ECHDC2: variants seen among roughly 807,000 people sequenced by gnomAD.
The protein encoded by ECHDC2 is enoyl-CoA hydratase domain containing 2.
In ECHDC2, 34 loss-of-function variants were observed where a neutral mutation model predicts 40.6. The observed-to-expected ratio is 0.84, with a 90% CI of 0.64 to 1.11. The LOEUF (loss-of-function observed/expected upper bound fraction) is 1.11. Among genes scored for constraint, ECHDC2 ranks in the 50% most tolerant of loss-of-function variants. The pLI is 0.00. For synonymous variants in ECHDC2, 162 were observed against 166.6 expected (o/e 0.97, Z 0.21); for missense variants, 392 against 400.7 (o/e 0.98, Z 0.19).
chr1:52,920,382 C>G (rs1412135442), intron 1 of ECHDC2: 2 of 717,368 alleles, frequency 2.8e-6, no homozygotes, highest in African/African-American at 1.8e-5. Flanking sequence ...AGCAATACTG[C>G]TGGGGAAGGG....
chr1:52,908,110 G>A (rs759929911), intron 3 of ECHDC2, among the ~76,000 whole-genome samples, 156 bp from the exon 4 acceptor site: 3 of 152,214 alleles, frequency 2.0e-5, no homozygotes, highest in African/African-American at 7.2e-5. Flanking sequence ...GGGAAAAGAG[G>A]AGCATCAAAC....
intron 1 of ECHDC2, 118 bp from the exon 2 acceptor site, chr1:52,911,908 G>C: frequency 6.6e-7 from 1 of 1,507,562 alleles, no homozygotes; most frequent in South Asian, 1.2e-5. Context: ...TAGATGACCA[G>C]AGTGACTTGC....
At chr1:52,905,436 C>T (rs1262336833) in intron 5 of ECHDC2, 2 of 315,552 alleles carry the variant, frequency 6.3e-6, no homozygotes, top group Non-Finnish European at 1.2e-5. Context: ...AAGGAGAGTT[C>T]CTAGGAGGTG....
chr1:52,913,497 C>G (rs1421850529), intron 1 of ECHDC2: 1 of 152,210 alleles, frequency 6.6e-6, no homozygotes, highest in African/African-American at 2.4e-5. Flanking sequence ...CTCTCCTTGC[C>G]TCAACCTCGT....
At chr1:52,921,299 A>T in intron 1 of ECHDC2, 1 of 745,788 alleles carries the variant, frequency 1.3e-6, no homozygotes, top group Non-Finnish European at 1.9e-6. Context: ...TCCCCCTTCC[A>T]CACAGTCGGA....
intron 1 of ECHDC2, among the ~76,000 whole-genome samples, chr1:52,919,913 T>G (rs542220836): frequency 3.0e-4 from 45 of 152,334 alleles, no homozygotes; most frequent in African/African-American, 1.1e-3. Flanking sequence ...ATAAAATGAT[T>G]CCCGATATTT....
At chr1:52,909,591 T>C (rs1648893944) in intron 3 of ECHDC2, among the ~76,000 whole-genome samples, 1 of 151,640 alleles carries the variant, frequency 6.6e-6, no homozygotes, top group Non-Finnish European at 1.5e-5. Context: ...CAAATTTGTG[T>C]TGGGCCACAT....
intron 8 of ECHDC2, 23 bp from the exon 9 acceptor site, chr1:52,897,507 G>A: frequency 6.2e-7 from 1 of 1,613,988 alleles, no homozygotes; most frequent in South Asian, 1.1e-5. Context: ...CGTGCTCCCT[G>A]GATTGGTCTG....
At chr1:52,920,158 G>A (rs778038645) in intron 1 of ECHDC2, among the ~76,000 whole-genome samples, 2 of 152,142 alleles carry the variant, frequency 1.3e-5, no homozygotes, top group Non-Finnish European at 2.9e-5. Flanking sequence ...GTTGGGTAGT[G>A]AACTAAGCAT....
At chr1:52,906,394 G>T in intron 5 of ECHDC2, 125 bp downstream of exon 5, 2 of 827,376 alleles carry the variant, frequency 2.4e-6, no homozygotes, top group Non-Finnish European at 4.1e-6. Flanking sequence ...GCTCTGCCTT[G>T]CCTTAGTTTT....
intron 5 of ECHDC2, chr1:52,906,166 G>A (rs1647752399): frequency 5.4e-6 from 2 of 372,346 alleles, no homozygotes; most frequent in Non-Finnish European, 5.2e-6. Context: ...CTATCCCTGA[G>A]GCTCACCTTT....
chr1:52,921,693 GA>G lies in ECHDC2; in HGVS notation c.-21del. On this transcript the variant is annotated 5_prime_UTR_variant, in exon 1 of 10. Transcript: ENST00000371522. ...CAGCATCGGGGCGCAGGCTGGGAGT[GA>G]AGGTGCTTCTCCGGCCCTGCACCGT... The G allele has an allele frequency of 6.5e-7, 1 of 1,533,664 alleles. No individual in the cohort carries two copies. Among genetic ancestry groups the G allele is most frequent in the Admixed American group, 2.1e-5 (1 of 48,670 alleles).
intron 8 of ECHDC2, 167 bp from the exon 9 acceptor site, chr1:52,897,651 C>A: frequency 1.4e-6 from 1 of 692,238 alleles, no homozygotes; most frequent in Non-Finnish European, 2.6e-6. Context: ...GACAAAACTG[C>A]TGGGAGAAAC....
chr1:52,897,418 T>C lies in ECHDC2; in HGVS notation c.801+19A>G, dbSNP rs532687936. ...CCCAGCCTATGTTAACAAGCAGGCATGGGCTGGTTGCTACATACCTGGGCA... is the reference window on the plus strand; with the variant it reads ...CCCAGCCTATGTTAACAAGCAGGCACGGGCTGGTTGCTACATACCTGGGCA... On this transcript the variant is annotated intron_variant, in intron 9 of 9. Coordinates refer to ENST00000371522, the MANE Select transcript of ECHDC2 (RefSeq NM_001198961.2). 6.2e-7 allele frequency: 1 copy of C among 1,613,860 alleles called. No individual in the cohort carries two copies. The highest frequency in any genetic ancestry group is 2.2e-5 in the East Asian group (1 of 44,888).
At chr1:52,903,724 C>T (rs1228016053) in intron 7 of ECHDC2, among the ~76,000 whole-genome samples, 1 of 151,810 alleles carries the variant, frequency 6.6e-6, no homozygotes, top group Non-Finnish European at 1.5e-5. Context: ...ATGATTGCAC[C>T]ACTGCACTCC....
chr1:52,911,373 A>G (rs1288151684), intron 3 of ECHDC2, among the ~76,000 whole-genome samples, 193 bp downstream of exon 3: 2 of 152,202 alleles, frequency 1.3e-5, no homozygotes, highest in East Asian at 3.9e-4. Flanking sequence ...CCAAGTTCAA[A>G]CTAAAGTCTA....
At chr1:52,916,665 G>A (rs751971444) in intron 1 of ECHDC2, among the ~76,000 whole-genome samples, 3 of 152,154 alleles carry the variant, frequency 2.0e-5, no homozygotes, top group Non-Finnish European at 4.4e-5. Context: ...TTTGGCTGCC[G>A]ACATTCAATT....
At chr1:52,906,723 C>G (rs182424874) in intron 4 of ECHDC2, 112 bp from the exon 5 acceptor site, 6 of 664,350 alleles carry the variant, frequency 9.0e-6, no homozygotes, top group Non-Finnish European at 1.5e-5. Context: ...GGACCCAGGT[C>G]TGGGGACATT....
chr1:52,907,114 T>G (rs935908032), intron 4 of ECHDC2: 2 of 150,200 alleles, frequency 1.3e-5, no homozygotes, highest in African/African-American at 4.9e-5. Context: ...TTTTTTTTTT[T>G]GAGATGGAGT....
Sources: allele counts gnomAD v4.1 joint callset (sites outside exome capture counted in the v4.1 genomes callset), GRCh38; gene constraint gnomAD v4.1.1; transcripts MANE v1.5; gene names NCBI Gene and HGNC (gene_info 2026-07-23, HGNC 2026-07-21).